PHF14: variants seen among roughly 807,000 people sequenced by gnomAD.
The protein encoded by PHF14 is PHD finger protein 14.
PHF14 carries 55 observed loss-of-function variants against 117.9 expected under a neutral mutation model. That is an observed-to-expected ratio of 0.47 (90% CI 0.38 to 0.58). The LOEUF (loss-of-function observed/expected upper bound fraction) is 0.58. Among genes scored for constraint, PHF14 ranks in the 20% least tolerant of loss-of-function variants. The pLI, the probability that PHF14 is intolerant of heterozygous loss-of-function variation, is 0.00. For missense variants in PHF14, 978 were observed against 1,122.2 expected (o/e 0.87, Z 1.84); for synonymous variants, 409 against 368.6 (o/e 1.11, Z -1.26).
chr7:11,126,933 C>T (rs927981102), intron 17 of PHF14, among the ~76,000 whole-genome samples: 7 of 151,982 alleles, frequency 4.6e-5, no homozygotes, highest in Non-Finnish European at 2.9e-5. Context: ...ACCACTCTTA[C>T]GTTTTTATTG....
At chr7:11,002,661 T>C (rs997332469) in intron 4 of PHF14, among the ~76,000 whole-genome samples, 1 of 152,082 alleles carries the variant, frequency 6.6e-6, no homozygotes, top group African/African-American at 2.4e-5. Context: ...CAGGCTGGTC[T>C]TGAACTCCCC....
intron 17 of PHF14, among the ~76,000 whole-genome samples, chr7:11,119,386 TCAAC>T (rs1244939338): frequency 3.9e-5 from 6 of 151,992 alleles, no homozygotes; most frequent in African/African-American, 9.6e-5. Flanking sequence ...GGTTATATAA[TCAAC>T]CAATATATCA....
At chr7:10,977,540 A>G (rs1203361472) in intron 2 of PHF14, among the ~76,000 whole-genome samples, 1 of 152,188 alleles carries the variant, frequency 6.6e-6, no homozygotes, top group African/African-American at 2.4e-5. Flanking sequence ...ACATTGGTAA[A>G]GAATGACCCA....
intron 4 of PHF14, chr7:11,006,454 C>T (rs1783100684): frequency 7.5e-6 from 4 of 534,840 alleles, no homozygotes; most frequent in South Asian, 2.8e-5. Flanking sequence ...AGGAGCCAGT[C>T]GAACATATGC....
intron 4 of PHF14, among the ~76,000 whole-genome samples, chr7:11,010,554 TTATA>T (rs1318653439): frequency 1.3e-5 from 2 of 151,988 alleles, no homozygotes; most frequent in South Asian, 2.1e-4. Context: ...ATGAAATTAA[TTATA>T]TAGTTTAATT....
intron 13 of PHF14, among the ~76,000 whole-genome samples, chr7:11,050,579 T>C (rs1314646917): frequency 6.6e-6 from 1 of 152,142 alleles, no homozygotes; most frequent in Non-Finnish European, 1.5e-5. Flanking sequence ...AAATGAGAAA[T>C]TTTCTCAGTG....
chr7:11,154,731 C>T (rs1042331840), intron 17 of PHF14, among the ~76,000 whole-genome samples: 1 of 152,104 alleles, frequency 6.6e-6, no homozygotes, highest in African/African-American at 2.4e-5. Flanking sequence ...AAATGCTAAT[C>T]AGATGCCCGT....
intron 7 of PHF14, among the ~76,000 whole-genome samples, chr7:11,030,275 G>T (rs1206169775): frequency 6.6e-6 from 1 of 152,082 alleles, no homozygotes; most frequent in African/African-American, 2.4e-5. Context: ...TAGAGGACCA[G>T]ATAAATACTA....
At chr7:11,096,794 A>C (rs996624073) in intron 16 of PHF14, among the ~76,000 whole-genome samples, 1 of 152,088 alleles carries the variant, frequency 6.6e-6, no homozygotes, top group Non-Finnish European at 1.5e-5. Context: ...CTACATAGGA[A>C]GTAAAGTTGT....
At chr7:11,058,025 G>A (rs1483202) in intron 14 of PHF14, among the ~76,000 whole-genome samples, 54,776 of 152,010 alleles carry the variant, frequency 0.36, 10,498 homozygotes, top group East Asian at 0.75. Context: ...GAATTTCCAG[G>A]TAACGTATCT....
chr7:10,998,743 A>G (rs1409731221), intron 4 of PHF14, among the ~76,000 whole-genome samples: 5 of 152,152 alleles, frequency 3.3e-5, no homozygotes, highest in Non-Finnish European at 5.9e-5. Context: ...ATATCCATGA[A>G]TGTCATTGCT....
intron 14 of PHF14, 24 bp from the exon 15 acceptor site, chr7:11,061,763 TTTTG>T (rs1413723620): frequency 1.3e-6 from 2 of 1,488,742 alleles, no homozygotes; most frequent in Non-Finnish European, 1.8e-6. Flanking sequence ...GATTTTTGTT[TTTTG>T]TTTTTTTTTT....
intron 4 of PHF14, among the ~76,000 whole-genome samples, chr7:11,009,559 T>G (rs1783263773): frequency 6.6e-6 from 1 of 152,244 alleles, no homozygotes; most frequent in Admixed American, 6.5e-5. Flanking sequence ...TTTCCCATAC[T>G]CATGTTTTAT....
intron 14 of PHF14, among the ~76,000 whole-genome samples, chr7:11,059,895 A>T (rs1785156626): frequency 1.3e-5 from 2 of 152,116 alleles, no homozygotes; most frequent in Non-Finnish European, 2.9e-5. Context: ...TTTGAGACAA[A>T]GTCTCGTCCT....
At chr7:11,166,854 G>T (rs888655985) in intron 17 of PHF14, among the ~76,000 whole-genome samples, 1 of 152,092 alleles carries the variant, frequency 6.6e-6, no homozygotes, top group Non-Finnish European at 1.5e-5. Context: ...AAACAGTTAT[G>T]TACCTGTCCT....
chr7:11,143,381 A>C (rs1488903081), intron 17 of PHF14, among the ~76,000 whole-genome samples: 2 of 152,048 alleles, frequency 1.3e-5, no homozygotes, highest in African/African-American at 4.8e-5. Flanking sequence ...TCTGCCTCCG[A>C]AAATGCTAGG....
chr7:11,146,771 A>C (rs1788557760), intron 17 of PHF14, among the ~76,000 whole-genome samples: 1 of 152,200 alleles, frequency 6.6e-6, no homozygotes, highest in Non-Finnish European at 1.5e-5. Context: ...AAGATGATGA[A>C]ACATGTTCTG....
At chr7:11,117,994 A>G (rs1029906698) in intron 17 of PHF14, among the ~76,000 whole-genome samples, 4 of 151,908 alleles carry the variant, frequency 2.6e-5, no homozygotes, top group African/African-American at 9.6e-5. Context: ...TTTAGGTAAG[A>G]TGTATACCAC....
At chr7:11,051,043 T>A (rs552367264) in intron 13 of PHF14, among the ~76,000 whole-genome samples, 321 of 152,106 alleles carry the variant, frequency 2.1e-3, no homozygotes, top group African/African-American at 7.4e-3. Flanking sequence ...CAAAGGTAAA[T>A]TATTATTATT....
Sources: allele counts gnomAD v4.1 joint callset (sites outside exome capture counted in the v4.1 genomes callset), GRCh38; gene constraint gnomAD v4.1.1; transcripts MANE v1.5; gene names NCBI Gene and HGNC (gene_info 2026-07-23, HGNC 2026-07-21).